NACC2: variants seen among roughly 807,000 people sequenced by gnomAD.
The protein encoded by NACC2 is NACC family member 2, also known as nucleus accumbens-associated protein 2.
A neutral mutation model predicts 25.1 loss-of-function variants in NACC2; 8 were observed. The ratio of observed to expected loss-of-function variants is 0.32; its 90% CI spans 0.19 to 0.57. NACC2 has a LOEUF of 0.57. Ranked by LOEUF, NACC2 falls within the 20% of genes least tolerant of loss-of-function variation. The pLI, the probability that NACC2 is intolerant of heterozygous loss-of-function variation, is 0.89. For synonymous variants in NACC2, 435 were observed against 294.7 expected (o/e 1.48, Z -4.88); for missense variants, 644 against 650.2 (o/e 0.99, Z 0.10).
chr9:136,016,243 G>A (rs1441995550), intron 3 of NACC2, 22 bp downstream of exon 3: 11 of 1,611,930 alleles, frequency 6.8e-6, no homozygotes, highest in Non-Finnish European at 6.8e-6. Flanking sequence ...GCATACAATA[G>A]ATGGGTGGGA....
chr9:136,041,265 T>C (rs1274560502), intron 2 of NACC2, among the ~76,000 whole-genome samples: 1 of 151,816 alleles, frequency 6.6e-6, no homozygotes, highest in Non-Finnish European at 1.5e-5. Context: ...CTACTAAAAA[T>C]ACAAAAAATC....
chr9:136,094,474 G>A (rs1242841908), intron 1 of NACC2, among the ~76,000 whole-genome samples: 2 of 152,230 alleles, frequency 1.3e-5, no homozygotes, highest in Non-Finnish European at 2.9e-5. Context: ...CTGGCCGTGC[G>A]GGGTGCGCGG....
At chr9:136,083,452 A>G (rs765996935) in intron 1 of NACC2, among the ~76,000 whole-genome samples, 1 of 152,216 alleles carries the variant, frequency 6.6e-6, no homozygotes, top group Admixed American at 6.5e-5. Flanking sequence ...CAAAATCCAC[A>G]TGCACCCCAA....
At chr9:136,089,671 A>G (rs1211797288) in intron 1 of NACC2, among the ~76,000 whole-genome samples, 1 of 151,596 alleles carries the variant, frequency 6.6e-6, no homozygotes, top group Non-Finnish European at 1.5e-5. Flanking sequence ...CCCCATTCAG[A>G]ATGGGGGACC....
At chr9:136,091,685 A>G (rs537994000) in intron 1 of NACC2, among the ~76,000 whole-genome samples, 1 of 152,334 alleles carries the variant, frequency 6.6e-6, no homozygotes, top group African/African-American at 2.4e-5. Flanking sequence ...CAGCAAACGC[A>G]GGAAGGCCAC....
At chr9:136,028,603 C>T (rs868822102) in intron 2 of NACC2, among the ~76,000 whole-genome samples, 8 of 152,270 alleles carry the variant, frequency 5.3e-5, no homozygotes, top group Middle Eastern at 6.8e-3. Flanking sequence ...CTGCACGCTC[C>T]ATGGAGCTGG....
intron 2 of NACC2, among the ~76,000 whole-genome samples, chr9:136,029,385 A>G (rs1840440844): frequency 6.6e-6 from 1 of 152,218 alleles, no homozygotes. Context: ...CTGTCCCTCA[A>G]TAAAGCATTT....
chr9:136,067,691 C>T (rs1184663619), intron 1 of NACC2, among the ~76,000 whole-genome samples: 3 of 152,276 alleles, frequency 2.0e-5, no homozygotes, highest in African/African-American at 4.8e-5. Context: ...AAAAATTAGC[C>T]GAGCGTGGTG....
chr9:136,039,405 A>G (rs1283548703), intron 2 of NACC2, among the ~76,000 whole-genome samples: 1 of 152,236 alleles, frequency 6.6e-6, no homozygotes, highest in Non-Finnish European at 1.5e-5. Context: ...TTCGCTGGTA[A>G]GACAAGTTTA....
Position 136,049,971 on chromosome 9 carries a change from C to G in NACC2, c.551G>C (p.Gly184Ala). Reference protein sequence around the residue: ...KHEAMELPPAGPGLAPKRPLE... With the variant: ...KHEAMELPPAAPGLAPKRPLE... ...CGGGCGCTTGGGGGCCAGGCCTGGG[C>G]CGGCCGGCGGCAGCTCCATGGCTTC... The change falls in exon 2 of 6, where the codon GGC (glycine) becomes GCC (alanine). Residue 184 changes from glycine (G) to alanine (A), a missense_variant. Transcript: ENST00000277554. The G allele has an allele frequency of 4.8e-6, 3 of 631,176 alleles. No individual in the cohort carries two copies. The highest frequency in any genetic ancestry group is 8.5e-6 in the Non-Finnish European group (3 of 353,676). 39.1% of individuals were successfully genotyped at this position (631,176 alleles called of 1,614,324 possible).
At chr9:136,088,885 GGAAGGTTTCCC>G in intron 1 of NACC2, among the ~76,000 whole-genome samples, 1 of 152,350 alleles carries the variant, frequency 6.6e-6, no homozygotes, top group Middle Eastern at 3.4e-3. Context: ...GCATCCTGGG[GGAAGGTTTCCC>G]GGAGGAGACA....
chr9:136,090,980 A>T (rs558830342), intron 1 of NACC2, among the ~76,000 whole-genome samples: 2 of 152,192 alleles, frequency 1.3e-5, no homozygotes, highest in Admixed American at 1.3e-4. Flanking sequence ...CGGGCCCAGG[A>T]GCTCGCGGCC....
chr9:136,092,776 A>G (rs1042299771), intron 1 of NACC2, among the ~76,000 whole-genome samples: 1 of 152,194 alleles, frequency 6.6e-6, no homozygotes, highest in Admixed American at 6.5e-5. Context: ...GGTTCTCCGG[A>G]GAAACATGCT....
At chr9:136,071,859 C>T (rs11103309) in intron 1 of NACC2, among the ~76,000 whole-genome samples, 74,766 of 151,886 alleles carry the variant, frequency 0.49, 19,220 homozygotes, top group Middle Eastern at 0.63. Flanking sequence ...GGAGAAGAGC[C>T]GGCCTTTGAA....
intron 1 of NACC2, among the ~76,000 whole-genome samples, chr9:136,093,071 G>C (rs955754263): frequency 1.3e-5 from 2 of 152,170 alleles, no homozygotes; most frequent in Non-Finnish European, 2.9e-5. Context: ...ACAGGTCAGA[G>C]GCACAGACCT....
At position 136,084,749 on chromosome 9, in the gene NACC2, C is replaced by T. The variant is rs1392758692; in HGVS notation, c.-60+10440G>A. ...GGCGCACACACACACATACATCACG[C>T]AGCCTGGAGAAGGGACGGGCTCCGC... On this transcript the variant is annotated intron_variant, in intron 1 of 5. Coordinates refer to ENST00000277554, the MANE Select transcript of NACC2 (RefSeq NM_144653.5). The surrounding 1 kb of genome is among the most constrained non-coding windows in gnomAD (Gnocchi z 5.1). Among the ~76,000 whole-genome samples the T allele has an allele frequency of 6.6e-6, 1 of 152,250 alleles. No individual in the cohort carries two copies. The highest frequency in any genetic ancestry group is 2.4e-5 in the African/African-American group (1 of 41,472).
intron 1 of NACC2, among the ~76,000 whole-genome samples, chr9:136,079,658 C>T (rs986200075): frequency 4.6e-5 from 7 of 152,186 alleles, no homozygotes; most frequent in African/African-American, 1.7e-4. Context: ...GGGGCCCTGC[C>T]GTGGCCGGCA....
intron 2 of NACC2, among the ~76,000 whole-genome samples, chr9:136,041,677 T>C (rs1304313369): frequency 1.3e-5 from 2 of 152,108 alleles, no homozygotes; most frequent in Non-Finnish European, 2.9e-5. Context: ...AAATTGATTG[T>C]AGTGATGGCC....
intron 1 of NACC2, among the ~76,000 whole-genome samples, chr9:136,088,500 G>A (rs1178259481): frequency 6.6e-6 from 1 of 152,140 alleles, no homozygotes; most frequent in Non-Finnish European, 1.5e-5. Flanking sequence ...CACTGCGCAT[G>A]GACATGGCCC....
Sources: gnomAD v4.1 joint callset for allele counts (sites outside exome capture counted in the v4.1 genomes callset) on GRCh38, gnomAD v4.1.1 for gene constraint, Gnocchi (gnomAD v3.1) non-coding constraint, MANE v1.5 for transcripts, NCBI Gene and HGNC (gene_info 2026-07-23, HGNC 2026-07-21) for gene names.